Variants in CDH12 observed in about 807,000 individuals in gnomAD.
CDH12 encodes cadherin 12, also known as cadherin-12.
CDH12 carries 41 observed loss-of-function variants against 74.1 expected under a neutral mutation model. The observed-to-expected ratio is 0.55, with a 90% confidence interval of 0.43 to 0.72. The LOEUF (loss-of-function observed/expected upper bound fraction) is 0.72, where lower values mean the gene tolerates loss of function less well. Ranked by LOEUF, CDH12 falls within the 30% of genes least tolerant of loss-of-function variation. CDH12 has a pLI of 0.00. For missense variants in CDH12, 945 were observed against 977.2 expected, an observed-to-expected ratio of 0.97 and a Z score of 0.44; for synonymous variants, 399 against 355.0, an observed-to-expected ratio of 1.12 and a Z score of -1.39.
At chr5:21,841,914 C>T (rs369255118) in intron 8 of CDH12, among the ~76,000 whole-genome samples, 6 of 149,372 alleles carry the variant, frequency 4.0e-5, no homozygotes, top group Non-Finnish European at 1.5e-5. Flanking sequence ...TGCTGGATGA[C>T]GAGTTAGTGG....
At chr5:22,851,907 T>G (rs79355086) in intron 1 of CDH12, among the ~76,000 whole-genome samples, 9,359 of 152,292 alleles carry the variant, frequency 0.061, 367 homozygotes, top group South Asian at 0.17. Context: ...CAGTATTTCT[T>G]GACAGCTGTG....
chr5:21,911,721 G>T (rs547426894), intron 6 of CDH12, among the ~76,000 whole-genome samples: 1 of 151,972 alleles, frequency 6.6e-6, no homozygotes, highest in East Asian at 1.9e-4. Flanking sequence ...ATGTGTTTGT[G>T]CTTTAGTTTT....
At chr5:22,016,028 CTT>C (rs930078856) in intron 5 of CDH12, among the ~76,000 whole-genome samples, 1 of 151,662 alleles carries the variant, frequency 6.6e-6, no homozygotes, top group Non-Finnish European at 1.5e-5. Context: ...ACAATAATCT[CTT>C]TAGAAATATA....
At chr5:22,157,951 T>C (rs1580338731) in intron 4 of CDH12, among the ~76,000 whole-genome samples, 1 of 152,052 alleles carries the variant, frequency 6.6e-6, no homozygotes, top group South Asian at 2.1e-4. Flanking sequence ...GAGATTCAAA[T>C]GTAATAATTT....
chr5:22,071,708 C>T (rs554343254), intron 5 of CDH12, among the ~76,000 whole-genome samples: 16 of 152,152 alleles, frequency 1.1e-4, no homozygotes, highest in African/African-American at 3.9e-4. Context: ...TCTTTGAACA[C>T]TAGATTAATG....
At chr5:21,792,695 G>T (rs1318803931) in intron 10 of CDH12, among the ~76,000 whole-genome samples, 1 of 145,376 alleles carries the variant, frequency 6.9e-6, no homozygotes, top group Non-Finnish European at 1.5e-5. Flanking sequence ...CCATTCTGTT[G>T]GTTATCTGAC....
intron 13 of CDH12, among the ~76,000 whole-genome samples, chr5:21,759,114 C>T (rs1396832592): frequency 1.3e-5 from 2 of 151,964 alleles, no homozygotes; most frequent in African/African-American, 2.4e-5. Flanking sequence ...AGTGCTGCAC[C>T]TGAATCTAAA....
intron 1 of CDH12, among the ~76,000 whole-genome samples, chr5:22,722,970 A>G (rs1743975725): frequency 6.6e-6 from 1 of 152,170 alleles, no homozygotes. Context: ...ATGAAGCTTC[A>G]TTTCACTGGA....
At chr5:22,768,117 A>T (rs1338705781) in intron 1 of CDH12, among the ~76,000 whole-genome samples, 2 of 152,034 alleles carry the variant, frequency 1.3e-5, no homozygotes, top group Non-Finnish European at 2.9e-5. Flanking sequence ...ATGGTACTCA[A>T]ATCAATTCCT....
At chr5:22,815,782 A>AT (rs201460794) in intron 1 of CDH12, among the ~76,000 whole-genome samples, 2,349 of 148,954 alleles carry the variant, frequency 0.016, 53 homozygotes, top group Admixed American at 0.037. Context: ...AAAAAAAAAA[A>AT]AAATAAATAA....
chr5:22,214,325 A>C (rs1751712876), intron 3 of CDH12, among the ~76,000 whole-genome samples: 2 of 152,256 alleles, frequency 1.3e-5, no homozygotes, highest in South Asian at 4.1e-4. Context: ...AAACCCAGTC[A>C]ACCACTTCAG....
At chr5:22,391,077 C>T (rs1742227756) in intron 3 of CDH12, among the ~76,000 whole-genome samples, 1 of 152,240 alleles carries the variant, frequency 6.6e-6, no homozygotes, top group South Asian at 2.1e-4. Flanking sequence ...AGAGTGATGT[C>T]ACTCAGCAGA....
chr5:22,487,124 T>C (rs1413978372), intron 2 of CDH12, among the ~76,000 whole-genome samples: 1 of 151,802 alleles, frequency 6.6e-6, no homozygotes, highest in East Asian at 1.9e-4. Flanking sequence ...TGCCTCAGCC[T>C]CCTGAGTAGC....
At chr5:21,805,602 C>T (rs894283266) in intron 9 of CDH12, among the ~76,000 whole-genome samples, 4 of 152,062 alleles carry the variant, frequency 2.6e-5, no homozygotes, top group African/African-American at 7.2e-5. Flanking sequence ...GACTTTTAGG[C>T]AATCCCACTT....
chr5:22,127,057 G>A (rs1023444888), intron 4 of CDH12, among the ~76,000 whole-genome samples: 34 of 152,122 alleles, frequency 2.2e-4, no homozygotes, highest in African/African-American at 6.8e-4. Context: ...TGTGTGGGGT[G>A]GATTGTGGGG....
chr5:22,352,305 A>T (rs1457741538), intron 3 of CDH12, among the ~76,000 whole-genome samples: 2 of 152,086 alleles, frequency 1.3e-5, no homozygotes, highest in East Asian at 3.9e-4. Context: ...CTGGTTGCTT[A>T]TCCTCTTTTC....
chr5:22,367,654 G>T (rs1486760604), intron 3 of CDH12, among the ~76,000 whole-genome samples: 1 of 152,004 alleles, frequency 6.6e-6, no homozygotes, highest in East Asian at 1.9e-4. Flanking sequence ...TTCACTTCTT[G>T]GCTTATGGTG....
intron 4 of CDH12, among the ~76,000 whole-genome samples, chr5:22,211,526 G>T (rs1226146469): frequency 6.6e-6 from 1 of 151,798 alleles, no homozygotes; most frequent in African/African-American, 2.4e-5. Flanking sequence ...AAACAATCAG[G>T]CTATATTTAC....
At chr5:22,067,447 A>G (rs907554159) in intron 5 of CDH12, among the ~76,000 whole-genome samples, 2 of 152,152 alleles carry the variant, frequency 1.3e-5, no homozygotes, top group Non-Finnish European at 2.9e-5. Flanking sequence ...AGTAATTTGC[A>G]TTTAGGTACA....
Sources: allele counts gnomAD v4.1 joint callset (sites outside exome capture counted in the v4.1 genomes callset), GRCh38; gene constraint gnomAD v4.1.1; transcripts MANE v1.5; gene names NCBI Gene and HGNC (gene_info 2026-07-23, HGNC 2026-07-21).